Variants in TGFB2 observed in about 807,000 individuals in gnomAD.
TGFB2 encodes the protein transforming growth factor beta 2.
A neutral mutation model predicts 42.7 loss-of-function variants in TGFB2; 13 were observed. The ratio of observed to expected loss-of-function variants is 0.30; its 90% CI spans 0.20 to 0.48. TGFB2 has a LOEUF of 0.48. TGFB2 is among the 20% of genes least tolerant of loss of function. The pLI, the probability that TGFB2 is intolerant of heterozygous loss-of-function variation, is 0.99. For missense variants in TGFB2, 390 were observed against 517.5 expected, an observed-to-expected ratio of 0.75 and a Z score of 2.39; for synonymous variants, 193 against 193.6, an observed-to-expected ratio of 1.00 and a Z score of 0.03.
At chr1:218,352,368 T>C (rs1044545044) in intron 1 of TGFB2, among the ~76,000 whole-genome samples, 4 of 152,236 alleles carry the variant, frequency 2.6e-5, no homozygotes, top group African/African-American at 9.6e-5. Flanking sequence ...AATGTGGCTC[T>C]GCCCGAGATA....
chr1:218,353,634 C>T (rs926031663), intron 1 of TGFB2, among the ~76,000 whole-genome samples: 3 of 152,222 alleles, frequency 2.0e-5, no homozygotes, highest in Admixed American at 6.5e-5. Context: ...TGGTGGCCCA[C>T]GCCTATAATC....
intron 1 of TGFB2, among the ~76,000 whole-genome samples, chr1:218,389,426 C>T (rs1473363545): frequency 1.3e-5 from 2 of 152,248 alleles, no homozygotes; most frequent in Middle Eastern, 3.4e-3. Context: ...CTTCCTGTAC[C>T]GGTCCCATAT....
At chr1:218,395,043 C>T (rs1017451159) in intron 1 of TGFB2, among the ~76,000 whole-genome samples, 1 of 152,092 alleles carries the variant, frequency 6.6e-6, no homozygotes, top group Non-Finnish European at 1.5e-5. Context: ...TTAAGCATGT[C>T]AGAAGTCCAC....
rs1369596400 is a variant in TGFB2 at position 218,345,587 on chromosome 1, G to C, written c.-1115G>C. ...GACAGAGAGGATCTATTTTAGGGTG[G>C]CAAGTGCCTACCTACCCTAAGCGAG... On this transcript the variant is annotated 5_prime_UTR_variant, in exon 1 of 7. Transcript: ENST00000366930. The C allele has an allele frequency of 1.3e-5, 2 of 152,706 alleles. No individual in the cohort carries two copies. The highest frequency in any genetic ancestry group is 4.8e-5 in the African/African-American group (2 of 41,442). 9.5% of individuals were successfully genotyped at this position (152,706 alleles called of 1,614,324 possible). A position where few individuals can be genotyped will look rare whatever the true frequency, so the allele number is the denominator to read the frequency against.
At position 218,403,328 on chromosome 1, in the gene TGFB2, G is replaced by A. The variant is rs183872325; in HGVS notation, c.347-1841G>A. 3.1e-3 allele frequency among the ~76,000 whole-genome samples: 476 copies of A among 152,230 alleles called. 1 individual carries two copies. The highest frequency in any genetic ancestry group is 8.0e-3 in the African/African-American group (332 of 41,528). On this transcript the variant is annotated intron_variant, in intron 1 of 6. Coordinates refer to ENST00000366930, the MANE Select transcript of TGFB2 (RefSeq NM_003238.6). ...TGGTGTAGAAATTCCCCGCTTCTCC[G>A]TGGGCCTGTGTGCTGAGAGTCACAC...
Position 218,437,225 on chromosome 1 carries a change from A to G in TGFB2, c.933-118A>G, listed in dbSNP as rs1659998481. ...ACCTGGCCCATGATATTTGCTCATT[A>G]GATGTTTGTTGAATAAATGAATGAA... On this transcript the variant is annotated intron_variant, in intron 5 of 6. Transcript: ENST00000366930. 7 of 1,015,716 alleles carry G rather than the reference A, an allele frequency of 6.9e-6. No homozygotes were observed. The Admixed American group carries it at 1.7e-4, about 24-fold the overall frequency. 62.9% of individuals were successfully genotyped at this position (1,015,716 alleles called of 1,614,324 possible).
At chr1:218,375,894 C>T (rs59947503) in intron 1 of TGFB2, among the ~76,000 whole-genome samples, 2,309 of 152,118 alleles carry the variant, frequency 0.015, 76 homozygotes, top group African/African-American at 0.052. Context: ...ACCTTCACAT[C>T]CTGCATATGT....
chr1:218,425,894 C>T (rs933926409), intron 2 of TGFB2, among the ~76,000 whole-genome samples: 1 of 152,162 alleles, frequency 6.6e-6, no homozygotes, highest in East Asian at 1.9e-4. Flanking sequence ...TCAGGCAGAT[C>T]TGAGAGACTC....
intron 2 of TGFB2, among the ~76,000 whole-genome samples, chr1:218,406,466 C>T (rs2102596278): frequency 6.6e-6 from 1 of 152,258 alleles, no homozygotes; most frequent in South Asian, 2.1e-4. Flanking sequence ...AATCAGAATC[C>T]CCATTTTAAC....
At chr1:218,429,748 G>A (rs1659747127) in intron 2 of TGFB2, among the ~76,000 whole-genome samples, 1 of 152,162 alleles carries the variant, frequency 6.6e-6, no homozygotes. Context: ...CTGGCTTTCG[G>A]AGAAGAAACA....
rs550905009 is a variant in TGFB2, at chr1:218,442,939, G to A, written c.*1577G>A. On this transcript the variant is annotated 3_prime_UTR_variant, in exon 7 of 7. Transcript: ENST00000366930. ...TAAAATCCTATTGTTATTACAAAGA[G>A]GACACTTCATAGGAAACATCTTTTT... The A allele has an allele frequency of 6.6e-6, 1 of 152,172 alleles. No homozygotes were observed. The highest frequency in any genetic ancestry group is 1.9e-4 in the East Asian group (1 of 5,180). 9.4% of individuals were successfully genotyped at this position (152,172 alleles called of 1,614,324 possible). A position where few individuals can be genotyped will look rare whatever the true frequency, so the allele number is the denominator to read the frequency against.
At chr1:218,374,662 T>A (rs1657683904) in intron 1 of TGFB2, among the ~76,000 whole-genome samples, 1 of 152,202 alleles carries the variant, frequency 6.6e-6, no homozygotes, top group Non-Finnish European at 1.5e-5. Flanking sequence ...TTCTTCATAT[T>A]ACAAGTTAGA....
intron 2 of TGFB2, among the ~76,000 whole-genome samples, chr1:218,410,268 T>C (rs1659052050): frequency 6.6e-6 from 1 of 152,202 alleles, no homozygotes; most frequent in Non-Finnish European, 1.5e-5. Context: ...GGATAACAAT[T>C]CTATACATGA....
rs547756373 is a variant in TGFB2, at chr1:218,415,924, C to T, written c.510+10592C>T. Among the ~76,000 whole-genome samples, 206 of 152,100 alleles carry T rather than the reference C, an allele frequency of 1.4e-3. 3 individuals carry two copies. The highest frequency in any genetic ancestry group is 3.4e-3 in the Middle Eastern group (1 of 294). On this transcript the variant is annotated intron_variant, in intron 2 of 6. Coordinates refer to ENST00000366930, the MANE Select transcript of TGFB2 (RefSeq NM_003238.6). ...TTACTGTCAGGATTTTTCTTGTCAT[C>T]TTGAACATGGTTCATATTTCCCCTA...
rs1276483850 is a variant in TGFB2, at chr1:218,376,326, C to G, written c.347-28843C>G. Among the ~76,000 whole-genome samples, 3 of 152,336 alleles carry G rather than the reference C, an allele frequency of 2.0e-5. No individual in the cohort carries two copies. In the East Asian group the frequency reaches 5.8e-4, roughly 29 times the overall value. On this transcript the variant is annotated intron_variant, in intron 1 of 6. Transcript: ENST00000366930. ...CAACCAGGCGGAACATCAGCCACCT[C>G]AATTCCTTGTCATTTCACTTTAAGC...
At chr1:218,436,177 T>C in intron 5 of TGFB2, 30 bp downstream of exon 5, 1 of 1,600,520 alleles carries the variant, frequency 6.2e-7, no homozygotes, top group Non-Finnish European at 8.5e-7. Flanking sequence ...AACCAAGTAA[T>C]TGCATCTGTT....
intron 1 of TGFB2, among the ~76,000 whole-genome samples, chr1:218,372,208 T>C (rs1657596011): frequency 6.6e-6 from 1 of 152,284 alleles, no homozygotes; most frequent in South Asian, 2.1e-4. Context: ...ACATCTGTAT[T>C]TCTGAATTGC....
intron 1 of TGFB2, among the ~76,000 whole-genome samples, chr1:218,351,438 C>T (rs761123978): frequency 6.6e-6 from 1 of 152,120 alleles, no homozygotes; most frequent in Non-Finnish European, 1.5e-5. Context: ...TTTATTGCAT[C>T]GTTGCTTGTA....
In TGFB2 at chr1:218,434,085, C is replaced by T. The variant is rs1291056000; in HGVS notation, c.514C>T (p.Leu172Phe). ...TCTTGCTCTTTTTCCCCTCCAGATT[C>T]TCAAGTCCAAAGATTTAACATCTCC... Reference protein sequence around the residue: ...PEQRIELYQILKSKDLTSPTQ... With the variant: ...PEQRIELYQIFKSKDLTSPTQ... The change falls in exon 3 of 7, where the codon CTC becomes TTC. Residue 172 changes from leucine (L) to phenylalanine (F), a missense_variant. Coordinates refer to ENST00000366930, the MANE Select transcript of TGFB2 (RefSeq NM_003238.6). 34 of 1,613,422 alleles carry T rather than the reference C, an allele frequency of 2.1e-5. No individual in the cohort carries two copies. Among genetic ancestry groups the T allele is most frequent in the Non-Finnish European group, 2.8e-5 (33 of 1,179,498 alleles).
Sources: gnomAD v4.1 joint callset for allele counts (sites outside exome capture counted in the v4.1 genomes callset) on GRCh38, gnomAD v4.1.1 for gene constraint, MANE v1.5 for transcripts, NCBI Gene and HGNC (gene_info 2026-07-23, HGNC 2026-07-21) for gene names.